Variants in CCDC91 observed in about 807,000 individuals in gnomAD.
CCDC91 encodes the protein coiled-coil domain-containing protein 91.
In CCDC91, 48 loss-of-function variants were observed where a neutral mutation model predicts 63.2. That is an observed-to-expected ratio of 0.76 (90% CI 0.60 to 0.97). The LOEUF (loss-of-function observed/expected upper bound fraction) is 0.97. CCDC91 is among the 50% of genes least tolerant of loss of function. The probability of loss-of-function intolerance (pLI) is 0.00; values close to 1 mark genes in which losing one functional copy is unlikely to be tolerated. For missense variants in CCDC91, 500 were observed against 494.6 expected, an observed-to-expected ratio of 1.01 and a Z score of -0.10; for synonymous variants, 167 against 165.8, an observed-to-expected ratio of 1.01 and a Z score of -0.06.
At chr12:28,437,120 AT>A (rs1325715508) in intron 8 of CCDC91, among the ~76,000 whole-genome samples, 3 of 151,504 alleles carry the variant, frequency 2.0e-5, no homozygotes, top group Admixed American at 6.6e-5. Flanking sequence ...AATTAAAAAA[AT>A]AAAATTCCAT....
At chr12:28,465,036 A>G (rs899949399) in intron 11 of CCDC91, among the ~76,000 whole-genome samples, 1 of 152,174 alleles carries the variant, frequency 6.6e-6, no homozygotes, top group African/African-American at 2.4e-5. Flanking sequence ...TTAAGGGCTC[A>G]TGAGCAGTAA....
At chr12:28,207,241 G>T (rs1007366747) in intron 1 of CCDC91, among the ~76,000 whole-genome samples, 2 of 152,198 alleles carry the variant, frequency 1.3e-5, no homozygotes, top group African/African-American at 4.8e-5. Flanking sequence ...CAAGGATGCT[G>T]TCTTCTTCTG....
intron 8 of CCDC91, among the ~76,000 whole-genome samples, chr12:28,395,207 A>C (rs1162786022): frequency 6.6e-6 from 1 of 152,128 alleles, no homozygotes; most frequent in Non-Finnish European, 1.5e-5. Context: ...CTTCCTCTGT[A>C]CTGTTTCAAC....
At chr12:28,301,111 A>G (rs1417394909) in intron 3 of CCDC91, among the ~76,000 whole-genome samples, 1 of 151,532 alleles carries the variant, frequency 6.6e-6, no homozygotes, top group African/African-American at 2.4e-5. Flanking sequence ...TACAATGTTT[A>G]AAGATAGAGA....
chr12:28,371,171 C>T (rs896658936), intron 7 of CCDC91, among the ~76,000 whole-genome samples: 10 of 152,180 alleles, frequency 6.6e-5, no homozygotes, highest in African/African-American at 1.2e-4. Context: ...CCTTAACCCC[C>T]AGGCTGTGGA....
intron 3 of CCDC91, among the ~76,000 whole-genome samples, chr12:28,301,811 T>A (rs1449744716): frequency 2.0e-5 from 3 of 151,792 alleles, no homozygotes; most frequent in African/African-American, 7.2e-5. Context: ...ATTTTTTCAT[T>A]TTTCTAAATG....
intron 1 of CCDC91, among the ~76,000 whole-genome samples, chr12:28,212,297 C>G (rs1474853376): frequency 6.6e-6 from 1 of 152,220 alleles, no homozygotes; most frequent in African/African-American, 2.4e-5. Context: ...CCCAGAATCA[C>G]AGCAGATTCA....
intron 12 of CCDC91, among the ~76,000 whole-genome samples, chr12:28,536,408 C>A (rs1942180987): frequency 6.6e-6 from 1 of 152,138 alleles, no homozygotes; most frequent in African/African-American, 2.4e-5. Flanking sequence ...TGCATTGTCT[C>A]ATTTTATTGA....
chr12:28,443,495 G>A (rs1219900368), intron 8 of CCDC91, among the ~76,000 whole-genome samples: 3 of 152,030 alleles, frequency 2.0e-5, no homozygotes, highest in Middle Eastern at 3.4e-3. Flanking sequence ...GAATGCCTAT[G>A]TTTGTTTATT....
At chr12:28,298,067 C>G (rs1949661885) in intron 3 of CCDC91, among the ~76,000 whole-genome samples, 1 of 151,724 alleles carries the variant, frequency 6.6e-6, no homozygotes. Flanking sequence ...TGAAAAAAAT[C>G]TAGTTCTCAC....
At chr12:28,509,101 C>T (rs555999041) in intron 12 of CCDC91, among the ~76,000 whole-genome samples, 10 of 152,016 alleles carry the variant, frequency 6.6e-5, no homozygotes, top group East Asian at 5.9e-4. Context: ...TTTCTGTATG[C>T]TTCCAGGAAC....
At chr12:28,543,118 G>C (rs1422767891) in intron 12 of CCDC91, among the ~76,000 whole-genome samples, 1 of 151,968 alleles carries the variant, frequency 6.6e-6, no homozygotes. Flanking sequence ...CTTTGTATCT[G>C]TGTCTCTGTT....
chr12:28,202,226 G>A (rs1270763148), intron 1 of CCDC91, among the ~76,000 whole-genome samples: 3 of 152,066 alleles, frequency 2.0e-5, no homozygotes, highest in South Asian at 4.1e-4. Flanking sequence ...TAGAGAAAAC[G>A]TTTTAGTGTC....
intron 1 of CCDC91, among the ~76,000 whole-genome samples, chr12:28,198,324 A>G (rs1941940094): frequency 6.6e-6 from 1 of 152,232 alleles, no homozygotes; most frequent in Non-Finnish European, 1.5e-5. Context: ...CCATTAATCT[A>G]TGAATATGCT....
intron 12 of CCDC91, among the ~76,000 whole-genome samples, chr12:28,539,123 T>C (rs1241461771): frequency 6.6e-6 from 1 of 152,214 alleles, no homozygotes; most frequent in Admixed American, 6.5e-5. Context: ...AAGATCCCAT[T>C]TGTCAATTTT....
chr12:28,383,565 T>A (rs868720532), intron 7 of CCDC91, among the ~76,000 whole-genome samples: 3 of 152,102 alleles, frequency 2.0e-5, no homozygotes, highest in Non-Finnish European at 4.4e-5. Context: ...AAAGGTTGAG[T>A]TCACAGAGTC....
intron 8 of CCDC91, among the ~76,000 whole-genome samples, chr12:28,416,625 G>T (rs1322020352): frequency 6.6e-6 from 1 of 152,114 alleles, no homozygotes; most frequent in African/African-American, 2.4e-5. Flanking sequence ...AGATGGTGAA[G>T]ATCGGGAGAA....
chr12:28,511,136 G>A (rs1467278031), intron 12 of CCDC91, among the ~76,000 whole-genome samples: 1 of 151,852 alleles, frequency 6.6e-6, no homozygotes, highest in Non-Finnish European at 1.5e-5. Flanking sequence ...GGTCAAATCT[G>A]TCTTCAGAAT....
chr12:28,213,489 T>TATG (rs1253289244), intron 1 of CCDC91, among the ~76,000 whole-genome samples: 2 of 152,232 alleles, frequency 1.3e-5, no homozygotes, highest in Non-Finnish European at 2.9e-5. Context: ...AATCTATTGA[T>TATG]ATGGGCTCAC....
Sources: gnomAD v4.1 joint callset for allele counts (sites outside exome capture counted in the v4.1 genomes callset) on GRCh38, gnomAD v4.1.1 for gene constraint, MANE v1.5 for transcripts, NCBI Gene and HGNC (gene_info 2026-07-23, HGNC 2026-07-21) for gene names.